The following NAV2 variants were observed in gnomAD, a reference collection of about 807,000 sequenced individuals.
NAV2 encodes the protein neuron navigator 2, also known as helicase, APC down-regulated 1.
A neutral mutation model predicts 223.2 loss-of-function variants in NAV2; 54 were observed. That is an observed-to-expected ratio of 0.24 (90% CI 0.19 to 0.30). The LOEUF (loss-of-function observed/expected upper bound fraction) is 0.30, where lower values mean the gene tolerates loss of function less well. Among genes scored for constraint, NAV2 ranks in the 10% least tolerant of loss-of-function variants. The pLI, the probability that NAV2 is intolerant of heterozygous loss-of-function variation, is 1.00. For synonymous variants in NAV2, 1,279 were observed against 1,239.3 expected, an observed-to-expected ratio of 1.03 and a Z score of -0.67; for missense variants, 2,806 against 3,147.5, an observed-to-expected ratio of 0.89 and a Z score of 2.60.
At chr11:19,460,437 C>G (rs1315791105) in intron 1 of NAV2, among the ~76,000 whole-genome samples, 2 of 152,168 alleles carry the variant, frequency 1.3e-5, no homozygotes, top group Non-Finnish European at 2.9e-5. Flanking sequence ...ATGTTGCCCA[C>G]CTGGCACATG....
chr11:19,429,694 C>A (rs567491366), intron 1 of NAV2, among the ~76,000 whole-genome samples: 1 of 152,352 alleles, frequency 6.6e-6, no homozygotes, highest in South Asian at 2.1e-4. Context: ...ATTGACATAA[C>A]ATTTTCATTT....
At chr11:19,959,920 C>T (rs988933234) in intron 10 of NAV2, among the ~76,000 whole-genome samples, 3 of 152,214 alleles carry the variant, frequency 2.0e-5, no homozygotes, top group Admixed American at 2.0e-4. Flanking sequence ...ACCTCCTGCC[C>T]TTCCGGGGCT....
intron 6 of NAV2, among the ~76,000 whole-genome samples, chr11:19,932,850 A>C (rs559006211): frequency 1.3e-5 from 2 of 152,298 alleles, no homozygotes; most frequent in East Asian, 3.9e-4. Context: ...ATAATTGAAA[A>C]CGGTAGGTAT....
intron 1 of NAV2, among the ~76,000 whole-genome samples, chr11:19,457,302 A>T (rs1395279471): frequency 6.6e-6 from 1 of 152,240 alleles, no homozygotes; most frequent in Non-Finnish European, 1.5e-5. Flanking sequence ...GCTAATTCAC[A>T]TTGGGTGGTC....
intron 1 of NAV2, among the ~76,000 whole-genome samples, chr11:19,415,314 C>G (rs911817184): frequency 6.6e-6 from 1 of 152,188 alleles, no homozygotes; most frequent in Non-Finnish European, 1.5e-5. Flanking sequence ...ATACTATAAA[C>G]ACCTCTACGC....
At chr11:19,977,132 G>A (rs1242309413) in intron 10 of NAV2, among the ~76,000 whole-genome samples, 1 of 152,202 alleles carries the variant, frequency 6.6e-6, no homozygotes, top group Non-Finnish European at 1.5e-5. Flanking sequence ...TCTGTCAGCG[G>A]TTGTTGGAAG....
intron 1 of NAV2, among the ~76,000 whole-genome samples, chr11:19,826,800 T>A (rs1313014901): frequency 6.6e-6 from 1 of 152,200 alleles, no homozygotes; most frequent in African/African-American, 2.4e-5. Flanking sequence ...GATTGGAGGA[T>A]TTGCTGAGAG....
intron 25 of NAV2, among the ~76,000 whole-genome samples, chr11:20,082,241 A>C (rs1205850140): frequency 1.3e-5 from 2 of 152,060 alleles, no homozygotes; most frequent in Admixed American, 6.6e-5. Flanking sequence ...ATCCTCTCCA[A>C]CCTCCCCCAA....
chr11:19,372,610 T>A (rs1848509238), intron 1 of NAV2, among the ~76,000 whole-genome samples: 1 of 152,270 alleles, frequency 6.6e-6, no homozygotes, highest in African/African-American at 2.4e-5. Context: ...TGAGTCCCCA[T>A]CCCTTTGTGC....
At chr11:19,510,385 A>C (rs749880405) in intron 1 of NAV2, among the ~76,000 whole-genome samples, 61 of 152,160 alleles carry the variant, frequency 4.0e-4, no homozygotes, top group Non-Finnish European at 6.2e-4. Flanking sequence ...CTCCATACTG[A>C]TTTCTTGTCT....
chr11:19,977,701 T>C (rs558843793), intron 10 of NAV2, among the ~76,000 whole-genome samples: 2 of 151,428 alleles, frequency 1.3e-5, no homozygotes, highest in Admixed American at 6.6e-5. Flanking sequence ...AATTAAGCCC[T>C]TTTTTTTTCC....
intron 1 of NAV2, among the ~76,000 whole-genome samples, chr11:19,590,812 A>G (rs2046039859): frequency 6.6e-6 from 1 of 152,204 alleles, no homozygotes; most frequent in Non-Finnish European, 1.5e-5. Flanking sequence ...CATTCGTTCC[A>G]CTGCCCATCA....
chr11:19,442,887 G>A (rs1045807481), intron 1 of NAV2, among the ~76,000 whole-genome samples: 4 of 152,132 alleles, frequency 2.6e-5, no homozygotes, highest in African/African-American at 9.7e-5. Context: ...CTGTGTTTTT[G>A]GTGTTTTAAT....
chr11:19,721,685 A>G (rs568255636), intron 1 of NAV2, among the ~76,000 whole-genome samples: 3 of 152,358 alleles, frequency 2.0e-5, no homozygotes, highest in Admixed American at 2.0e-4. Context: ...AAAACCATAA[A>G]TGCTACAAAG....
intron 10 of NAV2, chr11:19,979,326 C>T (rs1410860962): frequency 2.0e-5 from 3 of 152,162 alleles, no homozygotes; most frequent in Admixed American, 2.0e-4. Context: ...TTCATGTATC[C>T]CCCATCTTAC....
At chr11:19,763,458 G>A (rs1000780108) in intron 1 of NAV2, among the ~76,000 whole-genome samples, 11 of 152,114 alleles carry the variant, frequency 7.2e-5, no homozygotes, top group East Asian at 5.8e-4. Context: ...GTAGACCCAC[G>A]GTGTGGAGTC....
intron 1 of NAV2, among the ~76,000 whole-genome samples, chr11:19,806,840 C>T (rs2058593612): frequency 6.6e-6 from 1 of 152,128 alleles, no homozygotes; most frequent in Non-Finnish European, 1.5e-5. Flanking sequence ...AGTGAAATGC[C>T]CCTCTTTCCT....
intron 1 of NAV2, among the ~76,000 whole-genome samples, chr11:19,598,838 T>G (rs2046281203): frequency 6.6e-6 from 1 of 152,098 alleles, no homozygotes; most frequent in Admixed American, 6.5e-5. Flanking sequence ...ATATCCCCCG[T>G]GATTTTTCTT....
intron 3 of NAV2, among the ~76,000 whole-genome samples, chr11:19,864,439 T>C (rs2061971503): frequency 6.6e-6 from 1 of 152,248 alleles, no homozygotes; most frequent in Non-Finnish European, 1.5e-5. Context: ...ATAGCAGTGC[T>C]TCCGAGGTTT....
Sources: gnomAD v4.1 joint callset for allele counts (sites outside exome capture counted in the v4.1 genomes callset) on GRCh38, gnomAD v4.1.1 for gene constraint, MANE v1.5 for transcripts, NCBI Gene and HGNC (gene_info 2026-07-23, HGNC 2026-07-21) for gene names.